The following CRPPA variants were observed in gnomAD, a reference collection of about 807,000 sequenced individuals.
The protein encoded by CRPPA is CDP-L-ribitol pyrophosphorylase A.
In CRPPA, 43 loss-of-function variants were observed where a neutral mutation model predicts 52.0. The ratio of observed to expected loss-of-function variants is 0.83; its 90% confidence interval spans 0.65 to 1.07. The LOEUF is 1.07. Among genes scored for constraint, CRPPA ranks in the 50% least tolerant of loss-of-function variants. The pLI, the probability that CRPPA is intolerant of heterozygous loss-of-function variation, is 0.00. For missense variants in CRPPA, 629 were observed against 551.7 expected (o/e 1.14, Z -1.40); for synonymous variants, 250 against 203.5 (o/e 1.23, Z -1.94).
At chr7:16,129,731 T>G (rs570865859) in intron 9 of CRPPA, among the ~76,000 whole-genome samples, 52 of 152,312 alleles carry the variant, frequency 3.4e-4, no homozygotes, top group African/African-American at 1.2e-3. Context: ...GAATAGAACC[T>G]CGGTTTCTGG....
chr7:16,166,725 C>A (rs925515397), intron 9 of CRPPA, among the ~76,000 whole-genome samples: 1 of 152,162 alleles, frequency 6.6e-6, no homozygotes, highest in Non-Finnish European at 1.5e-5. Flanking sequence ...CTCCTGATGA[C>A]TTTTCAGGAC....
At chr7:16,340,524 C>T (rs1785795934) in intron 3 of CRPPA, among the ~76,000 whole-genome samples, 1 of 145,656 alleles carries the variant, frequency 6.9e-6, no homozygotes, top group South Asian at 2.2e-4. Context: ...CCAAGTAAAA[C>T]AATAAGATAA....
At chr7:16,220,055 G>A (rs1386784820) in intron 8 of CRPPA, among the ~76,000 whole-genome samples, 1 of 137,286 alleles carries the variant, frequency 7.3e-6, no homozygotes, top group Non-Finnish European at 1.6e-5. Flanking sequence ...TAAAATACTG[G>A]CAAAACAAAT....
At position 16,216,050 on chromosome 7, in the gene CRPPA, T is replaced by TA; in HGVS notation, c.1251+15dup. 6.4e-7 allele frequency: 1 copy of TA among 1,565,686 alleles called. No homozygotes were observed. The highest frequency in any genetic ancestry group is 1.9e-4 in the Middle Eastern group (1 of 5,330). The stretch of plus-strand genomic sequence containing the variant: ...GTCTACAGAACATACATTCGGAAGA[T>TA]AAACATTTTACCTACCTGTGGGTAA... On this transcript the variant is annotated intron_variant, in intron 9 of 9. Coordinates refer to ENST00000407010, the MANE Select transcript of CRPPA (RefSeq NM_001101426.4).
At chr7:16,168,975 T>G (rs1452446567) in intron 9 of CRPPA, among the ~76,000 whole-genome samples, 1 of 152,154 alleles carries the variant, frequency 6.6e-6, no homozygotes, top group Non-Finnish European at 1.5e-5. Flanking sequence ...CTTAAGGAAT[T>G]GTAGTCAATG....
intron 9 of CRPPA, among the ~76,000 whole-genome samples, chr7:16,180,812 GA>G (rs1429498104): frequency 1.3e-5 from 2 of 151,984 alleles, no homozygotes; most frequent in Non-Finnish European, 2.9e-5. Context: ...GTTATCTAAT[GA>G]AAGTCAAAAT....
At chr7:16,216,249 T>G (rs1782306589) in intron 8 of CRPPA, 52 bp from the exon 9 acceptor site, 6 of 1,236,334 alleles carry the variant, frequency 4.9e-6, no homozygotes, top group Non-Finnish European at 6.8e-6. Context: ...CAACTTTCTC[T>G]GGAGGGAAAA....
At chr7:16,170,850 G>A (rs558741198) in intron 9 of CRPPA, among the ~76,000 whole-genome samples, 11 of 152,332 alleles carry the variant, frequency 7.2e-5, no homozygotes, top group South Asian at 4.1e-4. Flanking sequence ...GCGCAGCGCC[G>A]GCAGCCGCTC....
At chr7:16,257,212 C>G (rs1275385908) in intron 8 of CRPPA, among the ~76,000 whole-genome samples, 1 of 152,044 alleles carries the variant, frequency 6.6e-6, no homozygotes, top group Non-Finnish European at 1.5e-5. Flanking sequence ...GAGTTCAAAG[C>G]CTTTGTTATT....
At chr7:16,224,185 C>G (rs960182145) in intron 8 of CRPPA, among the ~76,000 whole-genome samples, 3 of 152,044 alleles carry the variant, frequency 2.0e-5, no homozygotes, top group African/African-American at 7.2e-5. Context: ...CATTTTGTGT[C>G]TTTACACTCA....
At chr7:16,261,471 T>A (rs1482349878) in intron 6 of CRPPA, among the ~76,000 whole-genome samples, 2 of 152,112 alleles carry the variant, frequency 1.3e-5, no homozygotes, top group Non-Finnish European at 1.5e-5. Flanking sequence ...GTGGCCATAA[T>A]TAACATTAGA....
chr7:16,394,627 C>T (rs1787524881), intron 2 of CRPPA, among the ~76,000 whole-genome samples: 1 of 152,108 alleles, frequency 6.6e-6, no homozygotes, highest in Non-Finnish European at 1.5e-5. Context: ...CATGGGTTCC[C>T]ACCTTGATTA....
At chr7:16,213,804 G>T (rs1351449189) in intron 9 of CRPPA, among the ~76,000 whole-genome samples, 2 of 151,254 alleles carry the variant, frequency 1.3e-5, no homozygotes, top group African/African-American at 4.9e-5. Context: ...TTGTCCCTTA[G>T]TCTATTTTAA....
intron 3 of CRPPA, among the ~76,000 whole-genome samples, chr7:16,334,935 C>A (rs1262029921): frequency 6.6e-6 from 1 of 151,972 alleles, no homozygotes; most frequent in Non-Finnish European, 1.5e-5. Context: ...AAATATCATG[C>A]CATCAAAGTA....
intron 8 of CRPPA, among the ~76,000 whole-genome samples, chr7:16,232,585 C>T (rs1393720100): frequency 6.6e-6 from 1 of 152,032 alleles, no homozygotes; most frequent in African/African-American, 2.4e-5. Context: ...CCAGAAAACA[C>T]AGTAAGTAAG....
In CRPPA at chr7:16,380,565, G is replaced by A. The variant is rs544365481; in HGVS notation, c.535-4324C>T. Among the ~76,000 whole-genome samples the A allele has an allele frequency of 1.1e-4, 16 of 152,278 alleles. No homozygotes were observed. The South Asian group carries it at 3.3e-3, about 32-fold the overall frequency. ...GATTGGAGTAGTTTCAGAAGGAATG[G>A]TACCAGTTCTTCCTTGTACCTCTGG... On this transcript the variant is annotated intron_variant, in intron 2 of 9. Transcript: ENST00000407010.
chr7:16,302,802 G>A (rs1784818370), intron 4 of CRPPA, among the ~76,000 whole-genome samples: 2 of 152,030 alleles, frequency 1.3e-5, no homozygotes, highest in South Asian at 4.1e-4. Context: ...CAAATTAGAG[G>A]ATTGAAGTTC....
At chr7:16,212,470 A>G (rs541411136) in intron 9 of CRPPA, among the ~76,000 whole-genome samples, 15 of 152,298 alleles carry the variant, frequency 9.8e-5, no homozygotes, top group African/African-American at 3.4e-4. Flanking sequence ...CTTCCACTGT[A>G]CTTTGATCAA....
rs118017867 is a variant in CRPPA, at chr7:16,110,684, C to T, written c.1252-18885G>A. Among the ~76,000 whole-genome samples the T allele has an allele frequency of 1.3e-3, 196 of 152,126 alleles. 1 individual carries two copies. Among genetic ancestry groups the T allele is most frequent in the Non-Finnish European group, 2.4e-3 (165 of 67,950 alleles). On this transcript the variant is annotated intron_variant, in intron 9 of 9. Coordinates refer to ENST00000407010, the MANE Select transcript of CRPPA (RefSeq NM_001101426.4). ...ATTTTTGACAAAGGTGCCAAGAACACATAATGTGAAACGGATAATTTTTTT... is the reference window on the plus strand; with the variant it reads ...ATTTTTGACAAAGGTGCCAAGAACATATAATGTGAAACGGATAATTTTTTT...
Sources: gnomAD v4.1 joint callset for allele counts (sites outside exome capture counted in the v4.1 genomes callset) on GRCh38, gnomAD v4.1.1 for gene constraint, MANE v1.5 for transcripts, NCBI Gene and HGNC (gene_info 2026-07-23, HGNC 2026-07-21) for gene names.